ZC2HC1B: variants seen among roughly 807,000 people sequenced by gnomAD.
The protein encoded by ZC2HC1B is zinc finger C2HC-type containing 1B.
Under a neutral mutation model 31.0 loss-of-function variants are expected in ZC2HC1B, and 36 were observed. That is an observed-to-expected ratio of 1.16 (90% CI 0.89 to 1.54). The LOEUF is 1.54. ZC2HC1B is among the 40% of genes most tolerant of loss of function. ZC2HC1B has a pLI of 0.00. For synonymous variants in ZC2HC1B, 73 were observed against 88.0 expected (o/e 0.83, Z 0.95); for missense variants, 260 against 268.6 (o/e 0.97, Z 0.22).
rs1778007416 is a variant in ZC2HC1B at position 143,923,849 on chromosome 6, A to G, written c.599-13800A>G. The stretch of plus-strand genomic sequence containing the variant: ...AATATCTTGCTGTTTTAGTTACTAC[A>G]GCTTTTTAATATATTTTGAAATCAG... On this transcript the variant is annotated intron_variant, in intron 6 of 7. Coordinates refer to ENST00000237275, the MANE Select transcript of ZC2HC1B (RefSeq NM_001013623.3). The surrounding 1 kb of genome is among the most constrained non-coding windows in gnomAD (Gnocchi z 4.8). Among the ~76,000 whole-genome samples, 1 of 151,714 alleles carries G rather than the reference A, an allele frequency of 6.6e-6. No individual in the cohort carries two copies. Among genetic ancestry groups the G allele is most frequent in the Non-Finnish European group, 1.5e-5 (1 of 67,940 alleles).
At chr6:143,910,844 C>T (rs1017358166) in intron 6 of ZC2HC1B, among the ~76,000 whole-genome samples, 1 of 152,178 alleles carries the variant, frequency 6.6e-6, no homozygotes, top group Non-Finnish European at 1.5e-5. Context: ...ACCTCCACCT[C>T]CTGGTTCAAG....
In ZC2HC1B at chr6:143,869,047, A is replaced by C. The variant is rs1024783005; in HGVS notation, c.28+4480A>C. 6.6e-6 allele frequency among the ~76,000 whole-genome samples: 1 copy of C among 152,170 alleles called. No individual in the cohort carries two copies. The highest frequency in any genetic ancestry group is 1.5e-5 in the Non-Finnish European group (1 of 68,028). On this transcript the variant is annotated intron_variant, in intron 1 of 7. Transcript: ENST00000237275. This position sits in a 1 kb window ranked among gnomAD's most constrained non-coding sequence, Gnocchi z 5.2. ...CTGGTATTGATGACTACATTCTTCTACTACCCATTCTGTATTCCCTTTTTC... is the reference window on the plus strand; with the variant it reads ...CTGGTATTGATGACTACATTCTTCTCCTACCCATTCTGTATTCCCTTTTTC...
rs1018307164 is a variant in ZC2HC1B at position 143,872,955 on chromosome 6, C to T, written c.28+8388C>T. Among the ~76,000 whole-genome samples, 2 of 152,170 alleles carry T rather than the reference C, an allele frequency of 1.3e-5. No individual in the cohort carries two copies. The highest frequency in any genetic ancestry group is 2.9e-5 in the Non-Finnish European group (2 of 68,034). On this transcript the variant is annotated intron_variant, in intron 1 of 7. Transcript: ENST00000237275. The surrounding 1 kb of genome is among the most constrained non-coding windows in gnomAD (Gnocchi z 5.5). ...CATGTCCTCACATTTCAAAACCAATCATGCCTCCCCAACAGTCTCCCAAAG... is the reference window on the plus strand; with the variant it reads ...CATGTCCTCACATTTCAAAACCAATTATGCCTCCCCAACAGTCTCCCAAAG...
chr6:143,937,781 T>A, intron 7 of ZC2HC1B, 48 bp downstream of exon 7: 2 of 1,429,038 alleles, frequency 1.4e-6, no homozygotes. Flanking sequence ...GACCAGTTAA[T>A]GACTTTTAAG....
At chr6:143,882,201 T>A (rs1229901164) in intron 1 of ZC2HC1B, among the ~76,000 whole-genome samples, 1 of 151,672 alleles carries the variant, frequency 6.6e-6, no homozygotes, top group Non-Finnish European at 1.5e-5. Flanking sequence ...ACACAAATGT[T>A]ACTGTAATAT....
chr6:143,881,345 G>T (rs1777464781), intron 1 of ZC2HC1B, among the ~76,000 whole-genome samples: 1 of 151,904 alleles, frequency 6.6e-6, no homozygotes, highest in Non-Finnish European at 1.5e-5. Context: ...GAGCCCAAGA[G>T]TTCGAGACCA....
In ZC2HC1B at chr6:143,903,034, C is replaced by T. The variant is rs747383675; in HGVS notation, c.490-10C>T. 6.2e-5 allele frequency: 96 copies of T among 1,551,302 alleles called. No individual in the cohort carries two copies. The highest frequency in any genetic ancestry group is 8.1e-5 in the Non-Finnish European group (93 of 1,146,788). ...GTGTTCTCTTTGTCTCTTTCTTTCTCTCTCTGTAGGGTAGGGCTCAGATGG... is the reference window on the plus strand; with the variant it reads ...GTGTTCTCTTTGTCTCTTTCTTTCTTTCTCTGTAGGGTAGGGCTCAGATGG... On this transcript the variant is annotated splice_polypyrimidine_tract_variant and intron_variant, in intron 5 of 7. Transcript: ENST00000237275. The surrounding 1 kb of genome is among the most constrained non-coding windows in gnomAD (Gnocchi z 4.3).
At chr6:143,904,633 T>A (rs535568786) in intron 6 of ZC2HC1B, among the ~76,000 whole-genome samples, 1 of 152,228 alleles carries the variant, frequency 6.6e-6, no homozygotes, top group African/African-American at 2.4e-5. Flanking sequence ...TTTCTTTGGT[T>A]GCCTCTGGTG....
chr6:143,879,362 T>C (rs1777442939), intron 1 of ZC2HC1B, among the ~76,000 whole-genome samples: 1 of 152,158 alleles, frequency 6.6e-6, no homozygotes, highest in Non-Finnish European at 1.5e-5. Context: ...TTTATTGGGG[T>C]TTAGGGAGAA....
At chr6:143,929,385 A>G (rs1297869352) in intron 6 of ZC2HC1B, among the ~76,000 whole-genome samples, 1 of 152,208 alleles carries the variant, frequency 6.6e-6, no homozygotes, top group African/African-American at 2.4e-5. Context: ...AATCACATTT[A>G]TTGATATGCA....
intron 6 of ZC2HC1B, among the ~76,000 whole-genome samples, chr6:143,920,172 AG>A (rs1306658157): frequency 6.6e-6 from 1 of 152,120 alleles, no homozygotes; most frequent in Admixed American, 6.5e-5. Flanking sequence ...TGCTTAAAGG[AG>A]AAAAAAACAC....
intron 6 of ZC2HC1B, among the ~76,000 whole-genome samples, chr6:143,931,864 C>CT (rs34072590): frequency 0.098 from 3,582 of 36,452 alleles, 52 homozygotes; most frequent in Non-Finnish European, 0.13. Context: ...TCTTCTTCTT[C>CT]TTTTTTTTTT....
chr6:143,927,223 G>A (rs1488776368), intron 6 of ZC2HC1B, among the ~76,000 whole-genome samples: 1 of 152,162 alleles, frequency 6.6e-6, no homozygotes, highest in East Asian at 1.9e-4. Flanking sequence ...TAGTGTTGAG[G>A]TCTGGGCTTT....
At chr6:143,889,338 C>A (rs1415266269) in intron 4 of ZC2HC1B, among the ~76,000 whole-genome samples, 3 of 152,136 alleles carry the variant, frequency 2.0e-5, no homozygotes, top group South Asian at 2.1e-4. Flanking sequence ...AGATGGTAGA[C>A]TTAAACCTAA....
At position 143,918,170 on chromosome 6, in the gene ZC2HC1B, G is replaced by A. The variant is rs773120358; in HGVS notation, c.598+15018G>A. Among the ~76,000 whole-genome samples, 9 of 151,148 alleles carry A rather than the reference G, an allele frequency of 6.0e-5. No individual in the cohort carries two copies. In the East Asian group the frequency reaches 1.6e-3, roughly 27 times the overall value. On this transcript the variant is annotated intron_variant, in intron 6 of 7. Coordinates refer to ENST00000237275, the MANE Select transcript of ZC2HC1B (RefSeq NM_001013623.3). The surrounding 1 kb of genome is among the most constrained non-coding windows in gnomAD (Gnocchi z 4.1). Reference sequence around the variant, plus strand: ...CTGGGAATGTCTTAATTTCTTCTTCGCCTTTTTTTGGTAAGAGACAGGATC... The same window carrying A: ...CTGGGAATGTCTTAATTTCTTCTTCACCTTTTTTTGGTAAGAGACAGGATC...
chr6:143,896,661 T>C (rs1164984249), intron 4 of ZC2HC1B, among the ~76,000 whole-genome samples: 3 of 152,156 alleles, frequency 2.0e-5, no homozygotes, highest in Admixed American at 2.0e-4. Flanking sequence ...TGGATTTTCA[T>C]AGTTAACTTT....
Position 143,886,886 on chromosome 6 carries a change from C to G in ZC2HC1B, c.349+65C>G. 1 of 1,303,350 alleles carries G rather than the reference C, an allele frequency of 7.7e-7. No homozygotes were observed. The highest frequency in any genetic ancestry group is 1.0e-6 in the Non-Finnish European group (1 of 1,001,964). 80.7% of individuals were successfully genotyped at this position (1,303,350 alleles called of 1,614,324 possible). A position where few individuals can be genotyped will look rare whatever the true frequency, so the allele number is the denominator to read the frequency against. ...ACTTTTGACCAAATCATCATGCCCT[C>G]TATGCACTCTGAAATTGACAATAAC... On this transcript the variant is annotated intron_variant, in intron 4 of 7. Coordinates refer to ENST00000237275, the MANE Select transcript of ZC2HC1B (RefSeq NM_001013623.3). The surrounding 1 kb of genome is among the most constrained non-coding windows in gnomAD (Gnocchi z 4.2).
rs905994685 is a variant in ZC2HC1B, at chr6:143,915,223, G to T, written c.598+12071G>T. ...TTATGACAATGAGTAAGTCTCACGA[G>T]ATCTGATGGTTTTAAAAAGAGGAGT... On this transcript the variant is annotated intron_variant, in intron 6 of 7. Coordinates refer to ENST00000237275, the MANE Select transcript of ZC2HC1B (RefSeq NM_001013623.3). The surrounding 1 kb of genome is among the most constrained non-coding windows in gnomAD (Gnocchi z 5.2). 6.6e-6 allele frequency among the ~76,000 whole-genome samples: 1 copy of T among 152,136 alleles called. No homozygotes were observed. Among genetic ancestry groups the T allele is most frequent in the Admixed American group, 6.5e-5 (1 of 15,280 alleles).
Position 143,886,826 on chromosome 6 carries a change from G to T in ZC2HC1B, c.349+5G>T, listed in dbSNP as rs1324799772. On this transcript the variant is annotated splice_donor_5th_base_variant and intron_variant, in intron 4 of 7. Transcript: ENST00000237275. The surrounding 1 kb of genome is among the most constrained non-coding windows in gnomAD (Gnocchi z 4.2). ...CCCCTCCATCCTTGAACCCAGGTGT[G>T]TAGACATTTTGGGTTGCTTTTGAGG... 7.3e-6 allele frequency: 11 copies of T among 1,509,616 alleles called. No individual in the cohort carries two copies. The highest frequency in any genetic ancestry group is 9.7e-6 in the Non-Finnish European group (11 of 1,128,848). 93.5% of individuals were successfully genotyped at this position (1,509,616 alleles called of 1,614,324 possible). A position where few individuals can be genotyped will look rare whatever the true frequency, so the allele number is the denominator to read the frequency against.
Sources: allele counts gnomAD v4.1 joint callset (sites outside exome capture counted in the v4.1 genomes callset), GRCh38; gene constraint gnomAD v4.1.1; non-coding constraint Gnocchi (gnomAD v3.1); transcripts MANE v1.5; gene names NCBI Gene and HGNC (gene_info 2026-07-23, HGNC 2026-07-21).